The following MACF1 variants were observed in gnomAD, a reference collection of about 807,000 sequenced individuals.
MACF1 encodes microtubule-actin cross-linking factor 1.
A neutral mutation model predicts 854.8 loss-of-function variants in MACF1; 193 were observed. That is an observed-to-expected ratio of 0.23 (90% CI 0.20 to 0.25). The LOEUF (loss-of-function observed/expected upper bound fraction) is 0.25. Among genes scored for constraint, MACF1 ranks in the 10% least tolerant of loss-of-function variants. The pLI, the probability that MACF1 is intolerant of heterozygous loss-of-function variation, is 1.00. For synonymous variants in MACF1, 3,185 were observed against 3,226.7 expected (o/e 0.99, Z 0.44); for missense variants, 7,722 against 8,929.1 (o/e 0.86, Z 5.45).
chr1:39,199,962 A>C (rs762828741), upstream of MACF1, among the ~76,000 whole-genome samples: 13 of 152,130 alleles, frequency 8.5e-5, no homozygotes, highest in Admixed American at 2.0e-4. Context: ...TTGACCCTAC[A>C]TTGCTCTCTC....
At chr1:39,185,334 A>G (rs1557504535) in intron 2 of MACF1, among the ~76,000 whole-genome samples, 3 of 151,494 alleles carry the variant, frequency 2.0e-5, no homozygotes, top group South Asian at 2.1e-4. Flanking sequence ...AGAAAAAGAT[A>G]TATCAGAAGA....
intron 80 of MACF1, among the ~76,000 whole-genome samples, chr1:39,445,925 A>C (rs1644220187): frequency 6.6e-6 from 1 of 152,236 alleles, no homozygotes; most frequent in Non-Finnish European, 1.5e-5. Flanking sequence ...GTGCCCCTGC[A>C]TTCTAGCCTG....
chr1:39,145,838 T>C (rs1316071594), intron 2 of MACF1, among the ~76,000 whole-genome samples: 1 of 152,228 alleles, frequency 6.6e-6, no homozygotes, highest in African/African-American at 2.4e-5. Context: ...TAACTACCTA[T>C]TGTATGAGCT....
intron 51 of MACF1, 86 bp downstream of exon 51, chr1:39,370,272 T>C (rs1015245217): frequency 1.6e-6 from 2 of 1,245,976 alleles, no homozygotes; most frequent in Admixed American, 3.0e-5. Context: ...GGTGGGGAAA[T>C]GTATGAGAAA....
Position 39,251,909 on chromosome 1 carries a change from G to A in MACF1, c.325G>A (p.Glu109Lys), listed in dbSNP as rs1410055070. The change falls in exon 4 of 101, where the codon GAG (glutamate) becomes AAG (lysine). Residue 109 changes from glutamate (E) to lysine (K), a missense_variant. Around this residue, in one of 15 missense-constraint regions of MACF1, gnomAD observed 82 missense variants for 84.0 expected, o/e 0.98. Transcript: ENST00000564288. ...GCCCTCCTGGTGCCATACAAACAACGAGGAGCAGGCGGAGGAAGATGATGA... is the reference window on the plus strand; with the variant it reads ...GCCCTCCTGGTGCCATACAAACAACAAGGAGCAGGCGGAGGAAGATGATGA... ...SMPSWCHTNN[E>K]EQAEEDDDDV... 7.9e-6 allele frequency: 12 copies of A among 1,519,704 alleles called. No individual in the cohort carries two copies. Among genetic ancestry groups the A allele is most frequent in the Admixed American group, 4.1e-5 (2 of 49,264 alleles). 94.1% of individuals were successfully genotyped at this position (1,519,704 alleles called of 1,614,324 possible). A position where few individuals can be genotyped will look rare whatever the true frequency, so the allele number is the denominator to read the frequency against.
At chr1:39,374,305 G>C (rs1345545759) in intron 52 of MACF1, among the ~76,000 whole-genome samples, 2 of 152,200 alleles carry the variant, frequency 1.3e-5, no homozygotes, top group Non-Finnish European at 2.9e-5. Context: ...GTTGTTAATT[G>C]AGATCACATA....
intron 71 of MACF1, among the ~76,000 whole-genome samples, chr1:39,438,251 T>C (rs1644023385): frequency 6.6e-6 from 1 of 152,206 alleles, no homozygotes; most frequent in Non-Finnish European, 1.5e-5. Context: ...ACCCCTAACG[T>C]GAGTAAACTA....
At position 39,422,938 on chromosome 1, in the gene MACF1, G is replaced by A. The variant is rs139770856; in HGVS notation, c.16149+38G>A. 4.4e-4 allele frequency: 696 copies of A among 1,570,540 alleles called. 3 individuals carry two copies. The African/African-American group carries it at 5.6e-3, about 13-fold the overall frequency. On this transcript the variant is annotated intron_variant, in intron 60 of 100. Coordinates refer to ENST00000564288, the MANE Select transcript of MACF1 (RefSeq NM_001394062.1). ...GTTGGGACAGTGAACTGTAACAGCC[G>A]TAGGGAGTAGTAGACAACACATTTG...
At chr1:39,289,667 C>A (rs2148394925) in intron 15 of MACF1, among the ~76,000 whole-genome samples, 2 of 107,120 alleles carry the variant, frequency 1.9e-5, no homozygotes, top group East Asian at 3.1e-4. Context: ...AGTTTGCAAA[C>A]ATTTTCTCCC....
chr1:39,404,714 G>A (rs1421367363), intron 58 of MACF1, among the ~76,000 whole-genome samples: 1 of 152,024 alleles, frequency 6.6e-6, no homozygotes. Flanking sequence ...TGAACTCCTG[G>A]CCTCAAGGGA....
intron 2 of MACF1, among the ~76,000 whole-genome samples, chr1:39,119,264 C>T (rs951916689): frequency 1.4e-5 from 2 of 147,372 alleles, no homozygotes; most frequent in Non-Finnish European, 1.5e-5. Flanking sequence ...TTGCGGTGAG[C>T]CGAGATCGCA....
At position 39,332,202 on chromosome 1, in the gene MACF1, T is replaced by G. The variant is rs1417253921; in HGVS notation, c.5614T>G (p.Ser1872Ala). The change falls in exon 37 of 101, where the codon TCT becomes GCT. Residue 1872 changes from serine to alanine, a missense_variant. Transcript: ENST00000564288. ...AGATGCCCTAGAACAAGGTATTGTG[T>G]CTACTGAACTAGCACATAAAATCCT... ...ITDALEQGIV[S>A]TELAHKILSN... 1.2e-6 allele frequency: 2 copies of G among 1,614,076 alleles called. No individual in the cohort carries two copies. The highest frequency in any genetic ancestry group is 1.7e-6 in the Non-Finnish European group (2 of 1,180,020).
rs1261386808 is a variant in MACF1 at position 39,333,948 on chromosome 1, A to G, written c.7360A>G (p.Thr2454Ala). 2 of 1,614,202 alleles carry G rather than the reference A, an allele frequency of 1.2e-6. No individual in the cohort carries two copies. The highest frequency in any genetic ancestry group is 1.7e-6 in the Non-Finnish European group (2 of 1,180,044). ...TTCCAAAGGTAGAGATGCTGAAAAA[A>G]CAGTTAGGGAGAGATTAATTAGTTT... is the stretch of plus-strand genomic sequence containing the variant. ...KASKGRDAEK[T>A]VRERLISLQM... The change falls in exon 37 of 101, where the codon ACA (threonine) becomes GCA (alanine). Residue 2454 changes from threonine (T) to alanine (A), a missense_variant. Physicochemically the swap from Thr to Ala is moderately conservative, Grantham distance 58. This residue lies in a region of MACF1 where 1,531 missense variants were observed against 1,601.6 expected (regional missense o/e 0.96). Transcript: ENST00000564288.
intron 26 of MACF1, among the ~76,000 whole-genome samples, chr1:39,314,712 C>T (rs1646378565): frequency 6.6e-6 from 1 of 152,040 alleles, no homozygotes; most frequent in Non-Finnish European, 1.5e-5. Flanking sequence ...GAGAGAAAAA[C>T]CTGCTTTATG....
chr1:39,333,493 C>T lies in MACF1; in HGVS notation c.6905C>T (p.Thr2302Ile). ...GATGGTGGTATCTTTCATGAACAAA[C>T]AGGTCAAAAGCTCTTACTAAATGAA... ...LLDGGIFHEQTGQKLLLNEAI... is the reference protein window; with the variant it reads ...LLDGGIFHEQIGQKLLLNEAI... Residue 2302 changes from threonine to isoleucine, a missense_variant, in exon 37 of 101, where the codon ACA becomes ATA. Transcript: ENST00000564288. 6.2e-7 allele frequency: 1 copy of T among 1,614,146 alleles called. No individual in the cohort carries two copies. Among genetic ancestry groups the T allele is most frequent in the Admixed American group, 1.7e-5 (1 of 60,024 alleles).
chr1:39,445,267 T>C (rs1014568464), intron 80 of MACF1, among the ~76,000 whole-genome samples: 2 of 152,244 alleles, frequency 1.3e-5, no homozygotes, highest in Non-Finnish European at 2.9e-5. Flanking sequence ...GTAAATTATA[T>C]GACCTCTTCC....
chr1:39,309,432 T>C, intron 23 of MACF1, 138 bp from the exon 24 acceptor site: 2 of 941,474 alleles, frequency 2.1e-6, no homozygotes, highest in Non-Finnish European at 3.2e-6. Context: ...CCTGAGATGC[T>C]AGTATTTGAC....
At chr1:39,316,067 C>T (rs1016738592) in intron 27 of MACF1, among the ~76,000 whole-genome samples, 2 of 152,238 alleles carry the variant, frequency 1.3e-5, no homozygotes, top group Non-Finnish European at 2.9e-5. Context: ...CCTCTTCCCA[C>T]CCATCTCTAC....
Position 39,340,678 on chromosome 1 carries a change from C to T in MACF1, c.10392C>T (p.Ser3464=). 6.2e-7 allele frequency: 1 copy of T among 1,614,154 alleles called. No individual in the cohort carries two copies. Among genetic ancestry groups the T allele is most frequent in the South Asian group, 1.1e-5 (1 of 91,076 alleles). ...SLSSVSDTWN[S]RLLHFQNAVE... ...GCTCTGTGAGTGACACTTGGAATTC[C>T]AGGCTACTCCACTTCCAGAATGCTG... Residue 3464 remains serine (S), a synonymous_variant, in exon 39 of 101, where the codon TCC becomes TCT. Transcript: ENST00000564288.
Sources: allele counts gnomAD v4.1 joint callset (sites outside exome capture counted in the v4.1 genomes callset), GRCh38; gene constraint gnomAD v4.1.1; regional missense constraint gnomAD v4.1.1; transcripts MANE v1.5; gene names NCBI Gene and HGNC (gene_info 2026-07-23, HGNC 2026-07-21).